Variants in MAP3K20 observed in about 807,000 individuals in gnomAD.
The protein encoded by MAP3K20 is mitogen-activated protein kinase kinase kinase 20.
In MAP3K20, 40 loss-of-function variants were observed where a neutral mutation model predicts 85.7. That is an observed-to-expected ratio of 0.47 (90% confidence interval 0.36 to 0.61). The LOEUF (loss-of-function observed/expected upper bound fraction) is 0.61. Among genes scored for constraint, MAP3K20 ranks in the 20% least tolerant of loss-of-function variants. The pLI is 0.00. For missense variants in MAP3K20, 817 were observed against 961.7 expected, an observed-to-expected ratio of 0.85 and a Z score of 1.99; for synonymous variants, 325 against 327.7, an observed-to-expected ratio of 0.99 and a Z score of 0.09.
intron 16 of MAP3K20, among the ~76,000 whole-genome samples, chr2:173,244,259 AAAG>A (rs139723912): frequency 0.016 from 2,373 of 152,354 alleles, 27 homozygotes; most frequent in Middle Eastern, 0.031. Context: ...CTAAAAGTAT[AAAG>A]AAGTGACTGG....
rs770361569 is a variant in MAP3K20, at chr2:173,266,598, G to C, written c.2251G>C (p.Glu751Gln). The C allele has an allele frequency of 1.2e-6, 2 of 1,613,808 alleles. No homozygotes were observed. The highest frequency in any genetic ancestry group is 1.7e-6 in the Non-Finnish European group (2 of 1,180,002). ...NTIPGMPLHP[E>Q]TDSRASEEDS... is the part of the protein sequence containing the mutation. Reference sequence around the variant, plus strand: ...CATACCAGGGATGCCTTTGCACCCTGAGACTGACTCAAGAGCCAGTGAAGA... The same window carrying C: ...CATACCAGGGATGCCTTTGCACCCTCAGACTGACTCAAGAGCCAGTGAAGA... The change falls in exon 20 of 20, where the codon GAG (glutamate) becomes CAG (glutamine). Residue 751 changes from glutamate (E) to glutamine (Q), a missense_variant. By Grantham distance (29) the Glu-to-Gln change is conservative (BLOSUM62 2). This residue lies in a region of MAP3K20 where 454 missense variants were observed against 476.9 expected (regional missense o/e 0.95). Transcript: ENST00000375213.
intron 2 of MAP3K20, among the ~76,000 whole-genome samples, chr2:173,149,743 C>G (rs546587293): frequency 4.6e-5 from 7 of 152,144 alleles, no homozygotes; most frequent in African/African-American, 7.2e-5. Flanking sequence ...GCGCATCCTC[C>G]CCACAGCCTT....
At chr2:173,228,358 T>C (rs1361889910) in intron 11 of MAP3K20, among the ~76,000 whole-genome samples, 1 of 152,058 alleles carries the variant, frequency 6.6e-6, no homozygotes, top group Non-Finnish European at 1.5e-5. Flanking sequence ...TTGTTGCTTC[T>C]CTTTACCCGG....
At chr2:173,172,832 C>T (rs1690039061) in intron 3 of MAP3K20, among the ~76,000 whole-genome samples, 1 of 151,122 alleles carries the variant, frequency 6.6e-6, no homozygotes, top group African/African-American at 2.4e-5. Flanking sequence ...CGGAGTCTTG[C>T]TGTGTCGCCA....
intron 2 of MAP3K20, among the ~76,000 whole-genome samples, chr2:173,123,675 A>G (rs1688361085): frequency 6.6e-6 from 1 of 152,152 alleles, no homozygotes; most frequent in Non-Finnish European, 1.5e-5. Flanking sequence ...TCCCCTTTCC[A>G]GGTTTCAGGT....
At chr2:173,141,762 C>T (rs1688979722) in intron 2 of MAP3K20, among the ~76,000 whole-genome samples, 1 of 152,022 alleles carries the variant, frequency 6.6e-6, no homozygotes, top group African/African-American at 2.4e-5. Flanking sequence ...ACCAGAAACA[C>T]CACACTCAGT....
chr2:173,076,033 G>A, intron 1 of MAP3K20, 31 bp downstream of exon 1: 1 of 983,284 alleles, frequency 1.0e-6, no homozygotes, highest in Non-Finnish European at 1.2e-6. Context: ...CGCGGAGGGC[G>A]GGGAGGGAGG....
At chr2:173,118,476 A>G (rs722864) in intron 2 of MAP3K20, among the ~76,000 whole-genome samples, 119,735 of 152,064 alleles carry the variant, frequency 0.79, 47,571 homozygotes, top group African/African-American at 0.87. Flanking sequence ...TGGTTTTTTG[A>G]GGGGGGTGAC....
chr2:173,133,358 C>A (rs958750197), intron 2 of MAP3K20, among the ~76,000 whole-genome samples: 1 of 152,132 alleles, frequency 6.6e-6, no homozygotes, highest in Non-Finnish European at 1.5e-5. Flanking sequence ...GAAGCTTTCT[C>A]ACAATAACTG....
chr2:173,093,052 A>T (rs1166836913), intron 2 of MAP3K20, among the ~76,000 whole-genome samples: 1 of 152,256 alleles, frequency 6.6e-6, no homozygotes, highest in Non-Finnish European at 1.5e-5. Flanking sequence ...TGAGTGATAA[A>T]GAGACACAGT....
chr2:173,205,112 A>T (rs1465429482), intron 9 of MAP3K20, among the ~76,000 whole-genome samples: 1 of 139,916 alleles, frequency 7.1e-6, no homozygotes, highest in South Asian at 2.5e-4. Context: ...CAAAAAAAAA[A>T]AAAAAAAAAA....
intron 2 of MAP3K20, among the ~76,000 whole-genome samples, chr2:173,147,536 A>C (rs1365364098): frequency 1.3e-5 from 2 of 152,250 alleles, no homozygotes; most frequent in Admixed American, 1.3e-4. Context: ...CATCTGCCAC[A>C]GTGTATACTG....
At chr2:173,217,040 G>A in intron 10 of MAP3K20, 75 bp from the exon 11 acceptor site, 1 of 1,310,038 alleles carries the variant, frequency 7.6e-7, no homozygotes, top group Non-Finnish European at 9.9e-7. Flanking sequence ...ACTTTGATTA[G>A]CATTCTGATG....
At chr2:173,218,815 A>G (rs1684150334) in intron 11 of MAP3K20, among the ~76,000 whole-genome samples, 1 of 152,186 alleles carries the variant, frequency 6.6e-6, no homozygotes, top group Admixed American at 6.5e-5. Flanking sequence ...CCTTGCACAC[A>G]TTATTGCTCT....
chr2:173,231,768 C>T (rs1413472039), intron 12 of MAP3K20, among the ~76,000 whole-genome samples: 9 of 152,202 alleles, frequency 5.9e-5, no homozygotes, highest in Admixed American at 5.9e-4. Flanking sequence ...CACGTGGCTA[C>T]TTCATGACCT....
intron 2 of MAP3K20, among the ~76,000 whole-genome samples, chr2:173,134,393 C>CATATATATATATAT (rs1162728873): frequency 1.6e-4 from 2 of 12,330 alleles, no homozygotes; most frequent in African/African-American, 3.4e-4. Context: ...TGTCTCTATA[C>CATATATATATATAT]ATATATATAT....
rs1689951917 is a variant in MAP3K20 at position 173,169,964 on chromosome 2, C to T, written c.247+72C>T. On this transcript the variant is annotated intron_variant, in intron 3 of 19. Coordinates refer to ENST00000375213, the MANE Select transcript of MAP3K20 (RefSeq NM_016653.3). ...TTAGATTCCTTAATATGCTAAAATG[C>T]TTAATATTAGGCTCAGTTATGAATT... is the stretch of plus-strand genomic sequence containing the variant. 2.9e-6 allele frequency: 4 copies of T among 1,378,062 alleles called. No homozygotes were observed. The Admixed American group carries it at 6.9e-5, about 24-fold the overall frequency. 85.4% of individuals were successfully genotyped at this position (1,378,062 alleles called of 1,614,324 possible).
At position 173,198,003 on chromosome 2, in the gene MAP3K20, A is replaced by C; in HGVS notation, c.583-23A>C. 1 of 1,598,128 alleles carries C rather than the reference A, an allele frequency of 6.3e-7. No homozygotes were observed. The highest frequency in any genetic ancestry group is 8.5e-7 in the Non-Finnish European group (1 of 1,170,972). ...AAAAATATAAAGTACAAAAATAAAAATTCCATTTTCTTTTTGTTCCAGGTT... is the reference window on the plus strand; with the variant it reads ...AAAAATATAAAGTACAAAAATAAAACTTCCATTTTCTTTTTGTTCCAGGTT... On this transcript the variant is annotated intron_variant, in intron 7 of 19. Transcript: ENST00000375213. The surrounding 1 kb of genome is among the most constrained non-coding windows in gnomAD (Gnocchi z 5.8).
intron 11 of MAP3K20, among the ~76,000 whole-genome samples, chr2:173,219,400 T>TTA (rs1029655966): frequency 1.3e-5 from 2 of 152,216 alleles, no homozygotes; most frequent in African/African-American, 4.8e-5. Context: ...TATTTTCTAA[T>TTA]TATAGTTGAA....
Sources: allele counts gnomAD v4.1 joint callset (sites outside exome capture counted in the v4.1 genomes callset), GRCh38; gene constraint gnomAD v4.1.1; regional missense constraint gnomAD v4.1.1; non-coding constraint Gnocchi (gnomAD v3.1); transcripts MANE v1.5; gene names NCBI Gene and HGNC (gene_info 2026-07-23, HGNC 2026-07-21).